Variants in PAPSS1 observed in about 807,000 individuals in gnomAD.
PAPSS1 encodes the protein 3'-phosphoadenosine 5'-phosphosulfate synthase 1, also known as bifunctional 3'-phosphoadenosine 5'-phosphosulfate synthase 1.
PAPSS1 carries 50 observed loss-of-function variants against 72.0 expected under a neutral mutation model. The observed-to-expected ratio is 0.69, with a 90% CI of 0.55 to 0.88. PAPSS1 has a LOEUF of 0.88. Among genes scored for constraint, PAPSS1 ranks in the 40% least tolerant of loss-of-function variants. The pLI, the probability that PAPSS1 is intolerant of heterozygous loss-of-function variation, is 0.00. For synonymous variants in PAPSS1, 261 were observed against 263.6 expected (o/e 0.99, Z 0.09); for missense variants, 657 against 782.2 (o/e 0.84, Z 1.91).
At chr4:107,681,526 C>G (rs1033979842) in intron 5 of PAPSS1, among the ~76,000 whole-genome samples, 5 of 152,148 alleles carry the variant, frequency 3.3e-5, no homozygotes, top group Non-Finnish European at 5.9e-5. Flanking sequence ...CTCCATATGC[C>G]CAGGCACCCA....
chr4:107,683,292 C>A (rs1722683097), intron 4 of PAPSS1, among the ~76,000 whole-genome samples: 1 of 152,010 alleles, frequency 6.6e-6, no homozygotes, highest in African/African-American at 2.4e-5. Context: ...TCCCCTGCAG[C>A]CCTGAACTCA....
intron 3 of PAPSS1, among the ~76,000 whole-genome samples, chr4:107,690,154 C>T (rs1200892200): frequency 5.3e-5 from 8 of 152,152 alleles, no homozygotes; most frequent in Non-Finnish European, 1.0e-4. Context: ...CAAATGCAAA[C>T]CCAATGATAC....
chr4:107,717,510 A>C (rs1723669500), intron 1 of PAPSS1, among the ~76,000 whole-genome samples: 1 of 152,186 alleles, frequency 6.6e-6, no homozygotes, highest in Admixed American at 6.5e-5. Flanking sequence ...GGCATAGAGA[A>C]ATTAAGTGAC....
chr4:107,657,988 C>T (rs747545597), intron 6 of PAPSS1, among the ~76,000 whole-genome samples: 1 of 152,008 alleles, frequency 6.6e-6, no homozygotes, highest in Non-Finnish European at 1.5e-5. Context: ...GGAGAAAAGG[C>T]TGAATCCAAT....
At chr4:107,643,931 G>A (rs1726626822) in intron 10 of PAPSS1, among the ~76,000 whole-genome samples, 1 of 152,000 alleles carries the variant, frequency 6.6e-6, no homozygotes, top group African/African-American at 2.4e-5. Flanking sequence ...GATCAGAATG[G>A]GACAGAATCT....
intron 11 of PAPSS1, among the ~76,000 whole-genome samples, chr4:107,618,600 G>A (rs1725882637): frequency 6.6e-6 from 1 of 151,966 alleles, no homozygotes; most frequent in South Asian, 2.1e-4. Flanking sequence ...TGGGGGAGTG[G>A]AGAGAGACAG....
rs1162012480 is a variant in PAPSS1 at position 107,720,132 on chromosome 4, G to T, written c.48C>A (p.Asn16Lys). Residue 16 changes from asparagine to lysine, a missense_variant, in exon 1 of 12, where the codon AAC becomes AAA. Asn to Lys is a moderately conservative substitution (Grantham distance 94, BLOSUM62 0). This residue lies in a region of PAPSS1 where 48 missense variants were observed against 31.9 expected (regional missense o/e 1.51). Transcript: ENST00000265174. ...GTCCCCAGCTTACCCAGTTCTGCGCGTTATTGCTCAGTTTGACTTTCTTGC... is the reference window on the plus strand; with the variant it reads ...GTCCCCAGCTTACCCAGTTCTGCGCTTTATTGCTCAGTTTGACTTTCTTGC... Reference protein sequence around the residue: ...SLCKKVKLSNNAQNWGMQRAT... With the variant: ...SLCKKVKLSNKAQNWGMQRAT... The T allele has an allele frequency of 6.2e-7, 1 of 1,606,574 alleles. No homozygotes were observed. Among genetic ancestry groups the T allele is most frequent in the Non-Finnish European group, 8.5e-7 (1 of 1,176,762 alleles).
chr4:107,716,118 G>A (rs1723633570), intron 1 of PAPSS1, among the ~76,000 whole-genome samples: 1 of 152,188 alleles, frequency 6.6e-6, no homozygotes, highest in African/African-American at 2.4e-5. Context: ...CCCCAATTCT[G>A]TTATATCAGG....
At chr4:107,658,931 A>G (rs4956022) in intron 6 of PAPSS1, among the ~76,000 whole-genome samples, 35,311 of 152,106 alleles carry the variant, frequency 0.23, 4,179 homozygotes, top group East Asian at 0.37. Flanking sequence ...AGAAATTTGA[A>G]AACCAATGAA....
intron 9 of PAPSS1, among the ~76,000 whole-genome samples, chr4:107,649,964 G>A (rs115952086): frequency 1.3e-5 from 2 of 152,184 alleles, no homozygotes; most frequent in Non-Finnish European, 2.9e-5. Flanking sequence ...GTATCACCTT[G>A]CAATCACCGA....
At chr4:107,679,681 CTTTT>C (rs61604092) in intron 5 of PAPSS1, among the ~76,000 whole-genome samples, 1 of 142,312 alleles carries the variant, frequency 7.0e-6, no homozygotes, top group Non-Finnish European at 1.5e-5. Context: ...TGAGGCAGGA[CTTTT>C]TTTTTTTTTT....
intron 11 of PAPSS1, among the ~76,000 whole-genome samples, chr4:107,616,211 A>C (rs558370187): frequency 6.6e-6 from 1 of 152,272 alleles, no homozygotes; most frequent in South Asian, 2.1e-4. Flanking sequence ...GTGGTCTTAC[A>C]AGTGCTTTTT....
At chr4:107,652,420 A>T (rs1726864330) in intron 9 of PAPSS1, among the ~76,000 whole-genome samples, 1 of 152,172 alleles carries the variant, frequency 6.6e-6, no homozygotes, top group Admixed American at 6.5e-5. Context: ...TGTGTCAAAG[A>T]CCTAATAGCA....
intron 10 of PAPSS1, among the ~76,000 whole-genome samples, chr4:107,640,785 G>A (rs967733036): frequency 6.6e-6 from 1 of 152,238 alleles, no homozygotes; most frequent in African/African-American, 2.4e-5. Context: ...TTAAAAAACC[G>A]CCTTTTGCTC....
chr4:107,649,841 T>C (rs1161029975), intron 9 of PAPSS1, among the ~76,000 whole-genome samples: 1 of 152,242 alleles, frequency 6.6e-6, no homozygotes, highest in Non-Finnish European at 1.5e-5. Flanking sequence ...GACACCAATA[T>C]TCTATGTTTA....
In PAPSS1 at chr4:107,631,789, G is replaced by A; in HGVS notation, c.1578C>T (p.Gly526=). ...NFYIVGRDPA[G]MPHPETGKDL... is the part of the protein sequence containing the mutation. ...CCTTCCCTGTTTCTGGATGAGGCATGCCAGCAGGGTCTCGTCCAACAATGT... is the reference window on the plus strand; with the variant it reads ...CCTTCCCTGTTTCTGGATGAGGCATACCAGCAGGGTCTCGTCCAACAATGT... The change falls in exon 11 of 12, where the codon GGC becomes GGT. Residue 526 remains glycine (G), a synonymous_variant. Transcript: ENST00000265174. 6.2e-7 allele frequency: 1 copy of A among 1,614,066 alleles called. No individual in the cohort carries two copies. Among genetic ancestry groups the A allele is most frequent in the Non-Finnish European group, 8.5e-7 (1 of 1,179,960 alleles).
chr4:107,704,649 C>G lies in PAPSS1; in HGVS notation c.61-3364G>C, dbSNP rs1433268743. ...ACATTCTGTTAGTGTGGTGCATCAC[C>G]TTTATTAATTTGCATATGTTAGCTG... is the stretch of plus-strand genomic sequence containing the variant. On this transcript the variant is annotated intron_variant, in intron 1 of 11. Coordinates refer to ENST00000265174, the MANE Select transcript of PAPSS1 (RefSeq NM_005443.5). Among the ~76,000 whole-genome samples, 2 of 152,088 alleles carry G rather than the reference C, an allele frequency of 1.3e-5. 1 individual carries two copies. Among genetic ancestry groups the G allele is most frequent in the South Asian group, 4.1e-4 (2 of 4,824 alleles).
intron 5 of PAPSS1, among the ~76,000 whole-genome samples, chr4:107,678,641 A>AGTG (rs1352156886): frequency 1.3e-5 from 2 of 151,984 alleles, no homozygotes; most frequent in Admixed American, 1.3e-4. Context: ...AGTGTAGACT[A>AGTG]GTGTGACAGG....
intron 1 of PAPSS1, among the ~76,000 whole-genome samples, chr4:107,716,798 T>A (rs990908662): frequency 2.0e-5 from 3 of 152,224 alleles, no homozygotes; most frequent in Non-Finnish European, 2.9e-5. Flanking sequence ...AACTTTAACT[T>A]CCTGTAATTC....
Sources: gnomAD v4.1 joint callset for allele counts (sites outside exome capture counted in the v4.1 genomes callset) on GRCh38, gnomAD v4.1.1 for gene constraint, gnomAD v4.1.1 regional missense constraint, MANE v1.5 for transcripts, NCBI Gene and HGNC (gene_info 2026-07-23, HGNC 2026-07-21) for gene names.